Variants in PDE10A observed in about 807,000 individuals in gnomAD.
The protein encoded by PDE10A is phosphodiesterase 10A.
A neutral mutation model predicts 97.7 loss-of-function variants in PDE10A; 39 were observed. That is an observed-to-expected ratio of 0.40 (90% CI 0.31 to 0.52). The LOEUF is 0.52. Ranked by LOEUF, PDE10A falls within the 20% of genes least tolerant of loss-of-function variation. PDE10A has a pLI of 0.56. For missense variants in PDE10A, 731 were observed against 1,047.8 expected (o/e 0.70, Z 4.17); for synonymous variants, 371 against 376.8 (o/e 0.98, Z 0.18).
Position 165,343,505 on chromosome 6 carries a change from A to T in PDE10A, c.2784-3T>A. The T allele has an allele frequency of 1.3e-6, 2 of 1,597,036 alleles. No homozygotes were observed. The highest frequency in any genetic ancestry group is 1.7e-6 in the Non-Finnish European group (2 of 1,164,448). On this transcript the variant is annotated splice_region_variant and splice_polypyrimidine_tract_variant and intron_variant, in intron 18 of 21. Transcript: ENST00000539869. ...TCATCAAACCAATTACACGGTCTCT[A>T]GAACACAACAATATAAGACTGGTCA...
chr6:165,945,690 C>A (rs1457620546), intron 1 of PDE10A, among the ~76,000 whole-genome samples: 5 of 152,214 alleles, frequency 3.3e-5, no homozygotes, highest in Non-Finnish European at 7.3e-5. Flanking sequence ...GACTTCCCAG[C>A]CTGCAGGACT....
At chr6:165,735,437 G>A (rs1349492856) in intron 1 of PDE10A, among the ~76,000 whole-genome samples, 1 of 152,020 alleles carries the variant, frequency 6.6e-6, no homozygotes, top group Non-Finnish European at 1.5e-5. Flanking sequence ...TAGGTTGGTA[G>A]ATATATAGGT....
rs138964603 is a variant in PDE10A at position 165,460,854 on chromosome 6, T to C, written c.1024-10492A>G. On this transcript the variant is annotated intron_variant, in intron 3 of 21. Coordinates refer to ENST00000539869, the MANE Select transcript of PDE10A (RefSeq NM_001385079.1). ...CATGAAACGAGGTATGTCCCTGGTA[T>C]GGGACTAAAAAAAAATTTGCAAGGT... 7.1e-3 allele frequency among the ~76,000 whole-genome samples: 1,086 copies of C among 152,190 alleles called. 13 individuals are homozygous for C. Among genetic ancestry groups the C allele is most frequent in the African/African-American group, 0.025 (1,027 of 41,518 alleles).
intron 1 of PDE10A, among the ~76,000 whole-genome samples, chr6:165,551,077 T>C (rs1783991806): frequency 2.0e-5 from 3 of 152,208 alleles, no homozygotes. Flanking sequence ...TAAGCAGTGT[T>C]ATACCACCAC....
At chr6:165,966,604 C>T (rs1434278964) in intron 1 of PDE10A, among the ~76,000 whole-genome samples, 1 of 152,202 alleles carries the variant, frequency 6.6e-6, no homozygotes, top group African/African-American at 2.4e-5. Context: ...GCCTCATGGA[C>T]TCAGAAACAA....
chr6:165,543,497 T>C lies in PDE10A; in HGVS notation c.937A>G (p.Ser313Gly). Residue 313 changes from serine to glycine, a missense_variant, in exon 2 of 22, where the codon AGT (serine) becomes GGT (glycine). Ser to Gly is a moderately conservative substitution (Grantham distance 56, BLOSUM62 0). Around this residue, in one of 8 missense-constraint regions of PDE10A, gnomAD observed 181 missense variants for 159.1 expected, o/e 1.14. Transcript: ENST00000539869. ...TTCTCTACTGTCTCTGCACTAACAC[T>C]TTCAGATACAAATTCATCTAATACC... ...PQVLDEFVSESVSAETVEKWL... is the reference protein window; with the variant it reads ...PQVLDEFVSEGVSAETVEKWL... 2 of 1,612,514 alleles carry C rather than the reference T, an allele frequency of 1.2e-6. No homozygotes were observed. Among genetic ancestry groups the C allele is most frequent in the Non-Finnish European group, 1.7e-6 (2 of 1,178,734 alleles).
intron 2 of PDE10A, among the ~76,000 whole-genome samples, chr6:165,498,033 G>A (rs1348782731): frequency 1.3e-5 from 2 of 152,036 alleles, no homozygotes; most frequent in Non-Finnish European, 2.9e-5. Flanking sequence ...ACAATGTTTT[G>A]TGACTCTTTA....
chr6:165,773,837 T>C (rs1327540793), intron 1 of PDE10A, among the ~76,000 whole-genome samples: 1 of 152,120 alleles, frequency 6.6e-6, no homozygotes, highest in Non-Finnish European at 1.5e-5. Flanking sequence ...CTCAAAACCT[T>C]AGGGTGTCAT....
intron 2 of PDE10A, among the ~76,000 whole-genome samples, chr6:165,521,546 T>C (rs1461497293): frequency 6.6e-6 from 1 of 152,178 alleles, no homozygotes; most frequent in East Asian, 1.9e-4. Context: ...ACATGAGTGA[T>C]ACAAAAGAGA....
At chr6:165,879,500 C>A (rs1781421758) in intron 1 of PDE10A, among the ~76,000 whole-genome samples, 1 of 152,188 alleles carries the variant, frequency 6.6e-6, no homozygotes, top group Non-Finnish European at 1.5e-5. Flanking sequence ...ATTAGACCCA[C>A]CCCAATCAAA....
At chr6:165,614,203 ACTATTT>A (rs780901384) in intron 1 of PDE10A, among the ~76,000 whole-genome samples, 3 of 152,232 alleles carry the variant, frequency 2.0e-5, no homozygotes, top group Non-Finnish European at 4.4e-5. Flanking sequence ...CCTCAAAACC[ACTATTT>A]CTAACGGCCA....
chr6:165,947,070 G>T (rs1562812192), intron 1 of PDE10A: 1 of 152,106 alleles, frequency 6.6e-6, no homozygotes, highest in Non-Finnish European at 1.5e-5. Context: ...GTACCTTGTT[G>T]CTTTCCTTAG....
intron 1 of PDE10A, among the ~76,000 whole-genome samples, chr6:165,815,781 A>G (rs774485701): frequency 4.0e-5 from 6 of 151,848 alleles, no homozygotes; most frequent in Non-Finnish European, 5.9e-5. Flanking sequence ...CTCTTTTTTA[A>G]ATAGTTGCTT....
chr6:165,408,692 G>A (rs1470619992), intron 13 of PDE10A, among the ~76,000 whole-genome samples: 2 of 152,048 alleles, frequency 1.3e-5, no homozygotes, highest in Non-Finnish European at 2.9e-5. Flanking sequence ...TTCTGAATTG[G>A]AACAAAGTTT....
intron 1 of PDE10A, among the ~76,000 whole-genome samples, chr6:165,698,494 C>A (rs74909116): frequency 0.093 from 14,117 of 151,830 alleles, 1,002 homozygotes; most frequent in East Asian, 0.23. Context: ...TGAAATCAGA[C>A]AAATAAAAAA....
chr6:165,890,120 A>C, intron 1 of PDE10A, among the ~76,000 whole-genome samples: 1 of 144,834 alleles, frequency 6.9e-6, no homozygotes, highest in African/African-American at 2.6e-5. Flanking sequence ...CTTCTCCCTC[A>C]CTCCTCCCTC....
At chr6:165,821,228 C>G (rs1484193500) in intron 1 of PDE10A, among the ~76,000 whole-genome samples, 1 of 152,180 alleles carries the variant, frequency 6.6e-6, no homozygotes, top group African/African-American at 2.4e-5. Context: ...ATTCAGAACT[C>G]CGGCTGATAG....
intron 18 of PDE10A, among the ~76,000 whole-genome samples, chr6:165,365,374 C>A (rs1166853513): frequency 6.6e-6 from 1 of 152,064 alleles, no homozygotes; most frequent in Non-Finnish European, 1.5e-5. Context: ...ATAAAAGACA[C>A]TGAAAGTTTG....
intron 1 of PDE10A, 22 bp from the exon 2 acceptor site, chr6:165,543,590 T>A (rs1181131637): frequency 6.3e-7 from 1 of 1,590,704 alleles, no homozygotes; most frequent in Admixed American, 1.7e-5. Context: ...TTGAAAAGAA[T>A]AAAATTCACC....
Sources: allele counts gnomAD v4.1 joint callset (sites outside exome capture counted in the v4.1 genomes callset), GRCh38; gene constraint gnomAD v4.1.1; regional missense constraint gnomAD v4.1.1; transcripts MANE v1.5; gene names NCBI Gene and HGNC (gene_info 2026-07-23, HGNC 2026-07-21).